The following MYO3B variants were observed in gnomAD, a reference collection of about 807,000 sequenced individuals.
MYO3B encodes myosin-IIIb.
A neutral mutation model predicts 174.6 loss-of-function variants in MYO3B; 156 were observed. That is an observed-to-expected ratio of 0.89 (90% CI 0.78 to 1.02). The LOEUF is 1.02. Among genes scored for constraint, MYO3B ranks in the 50% least tolerant of loss-of-function variants. The probability of loss-of-function intolerance (pLI) is 0.00; values close to 1 mark genes in which losing one functional copy is unlikely to be tolerated. For synonymous variants in MYO3B, 563 were observed against 569.1 expected (o/e 0.99, Z 0.15); for missense variants, 1,632 against 1,639.4 (o/e 1.00, Z 0.08).
At chr2:170,483,109 T>C (rs1240167202) in intron 25 of MYO3B, among the ~76,000 whole-genome samples, 2 of 152,280 alleles carry the variant, frequency 1.3e-5, no homozygotes, top group African/African-American at 2.4e-5. Context: ...AAAAAGTGGA[T>C]GCAAGAATTA....
intron 32 of MYO3B, among the ~76,000 whole-genome samples, chr2:170,555,088 T>C (rs1341539356): frequency 7.1e-6 from 1 of 140,974 alleles, no homozygotes. Flanking sequence ...ATAATAAATT[T>C]GTTTGCGTTT....
At chr2:170,286,122 T>C (rs985530113) in intron 7 of MYO3B, among the ~76,000 whole-genome samples, 1 of 152,232 alleles carries the variant, frequency 6.6e-6, no homozygotes, top group Admixed American at 6.5e-5. Context: ...TTTTTGATAT[T>C]ATAAAGCAGA....
At chr2:170,301,692 A>C (rs1335395306) in intron 7 of MYO3B, among the ~76,000 whole-genome samples, 1 of 152,152 alleles carries the variant, frequency 6.6e-6, no homozygotes, top group Non-Finnish European at 1.5e-5. Flanking sequence ...TATGGGCAAT[A>C]ACAAATAATA....
chr2:170,341,545 G>A (rs993253623), intron 8 of MYO3B: 7 of 152,076 alleles, frequency 4.6e-5, no homozygotes, highest in African/African-American at 1.7e-4. Context: ...GATTTATTTA[G>A]GCAGTGATTA....
chr2:170,645,490 A>C (rs1698297823), intron 32 of MYO3B, among the ~76,000 whole-genome samples: 1 of 151,680 alleles, frequency 6.6e-6, no homozygotes, highest in South Asian at 2.1e-4. Context: ...AAAAAAAAAA[A>C]AGTGAATGTT....
At chr2:170,319,424 T>C (rs1282285798) in intron 7 of MYO3B, among the ~76,000 whole-genome samples, 4 of 151,958 alleles carry the variant, frequency 2.6e-5, no homozygotes, top group African/African-American at 9.7e-5. Context: ...TTTGAGATGG[T>C]AAAAGAAAGA....
intron 7 of MYO3B, among the ~76,000 whole-genome samples, chr2:170,257,069 T>C (rs2093310627): frequency 1.3e-5 from 2 of 152,186 alleles, no homozygotes; most frequent in South Asian, 4.1e-4. Flanking sequence ...TAAATATATA[T>C]GCACTCAATG....
intron 7 of MYO3B, among the ~76,000 whole-genome samples, chr2:170,259,842 G>A (rs2093331873): frequency 1.3e-5 from 2 of 152,056 alleles, no homozygotes; most frequent in South Asian, 2.1e-4. Flanking sequence ...TATCCAGAAT[G>A]TGTAAGGAAC....
intron 28 of MYO3B, among the ~76,000 whole-genome samples, chr2:170,504,315 A>G (rs888095351): frequency 2.6e-5 from 4 of 152,142 alleles, no homozygotes; most frequent in African/African-American, 9.7e-5. Flanking sequence ...TATTTTCTTA[A>G]GTGGTGTTGC....
At chr2:170,554,233 C>G (rs1302243941) in intron 32 of MYO3B, among the ~76,000 whole-genome samples, 1 of 152,134 alleles carries the variant, frequency 6.6e-6, no homozygotes, top group Admixed American at 6.5e-5. Context: ...TAGTAGTTTA[C>G]CTCAACTGAG....
At chr2:170,237,479 TC>T (rs1311839960) in intron 7 of MYO3B, among the ~76,000 whole-genome samples, 1 of 145,910 alleles carries the variant, frequency 6.9e-6, no homozygotes, top group Non-Finnish European at 1.5e-5. Context: ...GACCAGGTGT[TC>T]AAAAATTTCT....
chr2:170,247,645 C>G (rs1321549196), intron 7 of MYO3B, among the ~76,000 whole-genome samples: 1 of 152,168 alleles, frequency 6.6e-6, no homozygotes, highest in Non-Finnish European at 1.5e-5. Context: ...AGTCCAAGAT[C>G]AAGATGTCAT....
chr2:170,433,242 A>G (rs188052960), intron 22 of MYO3B, among the ~76,000 whole-genome samples: 127 of 152,324 alleles, frequency 8.3e-4, no homozygotes, highest in Non-Finnish European at 3.5e-4. Context: ...AGCATAGCCC[A>G]GGTGTGTCAA....
At chr2:170,535,232 C>T (rs1295400667) in intron 30 of MYO3B, among the ~76,000 whole-genome samples, 5 of 152,316 alleles carry the variant, frequency 3.3e-5, no homozygotes, top group Middle Eastern at 3.4e-3. Context: ...TCGGTAAAGA[C>T]TTGGGAGCCG....
intron 7 of MYO3B, among the ~76,000 whole-genome samples, chr2:170,305,164 A>G (rs144151932): frequency 6.0e-4 from 92 of 152,130 alleles, no homozygotes; most frequent in African/African-American, 2.1e-3. Flanking sequence ...AATATGAATA[A>G]CCTGTTGTTT....
intron 9 of MYO3B, among the ~76,000 whole-genome samples, chr2:170,378,332 A>AT (rs975237187): frequency 1.3e-5 from 2 of 152,040 alleles, no homozygotes; most frequent in Admixed American, 6.6e-5. Flanking sequence ...ACATATATAT[A>AT]TTTTTTCTGG....
rs574132908 is a variant in MYO3B, at chr2:170,395,750, A to T, written c.1791+3255A>T. On this transcript the variant is annotated intron_variant, in intron 16 of 34. Transcript: ENST00000408978. ...GAAGAACTGATGAAAAACTGACGAG[A>T]TTTACAAAAAAGAAAGAAAGGAAAG... is the stretch of plus-strand genomic sequence containing the variant. Among the ~76,000 whole-genome samples the T allele has an allele frequency of 5.3e-5, 8 of 152,256 alleles. No homozygotes were observed. The East Asian group carries it at 1.3e-3, about 26-fold the overall frequency.
chr2:170,226,773 T>A (rs1298304288), intron 6 of MYO3B, among the ~76,000 whole-genome samples: 1 of 151,826 alleles, frequency 6.6e-6, no homozygotes, highest in African/African-American at 2.4e-5. Context: ...GAGTGCTGAG[T>A]GAGAAGTGCT....
At chr2:170,447,293 T>C (rs1202500741) in intron 23 of MYO3B, among the ~76,000 whole-genome samples, 4 of 152,222 alleles carry the variant, frequency 2.6e-5, no homozygotes, top group African/African-American at 9.6e-5. Context: ...ACTCTAACGA[T>C]GTTTGAGACC....
Sources: gnomAD v4.1 joint callset for allele counts (sites outside exome capture counted in the v4.1 genomes callset) on GRCh38, gnomAD v4.1.1 for gene constraint, MANE v1.5 for transcripts, NCBI Gene and HGNC (gene_info 2026-07-23, HGNC 2026-07-21) for gene names.